The following ADGRF3 variants were observed in gnomAD, a reference collection of about 807,000 sequenced individuals.
The protein encoded by ADGRF3 is G protein-coupled receptor 113.
In ADGRF3, 85 loss-of-function variants were observed where a neutral mutation model predicts 93.2. The observed-to-expected ratio is 0.91, with a 90% confidence interval of 0.77 to 1.09. ADGRF3 has a LOEUF of 1.09. ADGRF3 is among the 50% of genes least tolerant of loss of function. The pLI is 0.00. For synonymous variants in ADGRF3, 534 were observed against 532.5 expected (o/e 1.00, Z -0.04); for missense variants, 1,125 against 1,246.2 (o/e 0.90, Z 1.46).
chr2:26,312,883 G>C, intron 9 of ADGRF3, 60 bp downstream of exon 9: 1 of 1,474,092 alleles, frequency 6.8e-7, no homozygotes, highest in Non-Finnish European at 9.2e-7. Context: ...ATGCCCACAG[G>C]TGGGGAGTCT....
At chr2:26,322,053 G>C (rs538629918) in intron 1 of ADGRF3, among the ~76,000 whole-genome samples, 1 of 150,518 alleles carries the variant, frequency 6.6e-6, no homozygotes, top group South Asian at 2.1e-4. Context: ...TGGAGGCCAA[G>C]GTGGGCAGAT....
At chr2:26,333,755 A>C (rs900611270) in intron 1 of ADGRF3, among the ~76,000 whole-genome samples, 24 of 152,256 alleles carry the variant, frequency 1.6e-4, no homozygotes, top group African/African-American at 5.1e-4. Context: ...AAAAGTTCTT[A>C]CTTCTAGCAT....
intron 6 of ADGRF3, 72 bp downstream of exon 6, chr2:26,314,342 A>G (rs1381248372): frequency 2.0e-5 from 28 of 1,411,292 alleles, no homozygotes; most frequent in African/African-American, 1.6e-4. Context: ...CATGAGCTGA[A>G]GACCCAGCTG....
chr2:26,328,695 G>A (rs879535418), intron 1 of ADGRF3, among the ~76,000 whole-genome samples: 13 of 152,026 alleles, frequency 8.6e-5, no homozygotes, highest in African/African-American at 1.2e-4. Context: ...CTCGTGATCC[G>A]CCCGCCTCAG....
At position 26,326,348 on chromosome 2, in the gene ADGRF3, C is replaced by T. The variant is rs73920259; in HGVS notation, c.115-8786G>A. 6.7e-3 allele frequency among the ~76,000 whole-genome samples: 1,018 copies of T among 152,216 alleles called. 15 individuals are homozygous for T. Among genetic ancestry groups the T allele is most frequent in the African/African-American group, 0.023 (954 of 41,510 alleles). On this transcript the variant is annotated intron_variant, in intron 1 of 13. Transcript: ENST00000651242. ...TGGTTCTCTGGTCAGAAATCCCTCT[C>T]TGTTCCCCTTACGTCAAAAAGTGAT...
Position 26,310,364 on chromosome 2 carries a change from TTGG to T in ADGRF3, c.2833-130_2833-128del, listed in dbSNP as rs1187673167. ...ATCTCAATTTTTCTGTTACCACTAT[TTGG>T]TGCATAGGATCCATTTCAGGTGCTT... On this transcript the variant is annotated intron_variant, in intron 10 of 13. Transcript: ENST00000651242. The T allele has an allele frequency of 4.8e-6, 5 of 1,032,510 alleles. No homozygotes were observed. The African/African-American group carries it at 8.0e-5, about 16-fold the overall frequency. 64.0% of individuals were successfully genotyped at this position (1,032,510 alleles called of 1,614,324 possible). A position where few individuals can be genotyped will look rare whatever the true frequency, so the allele number is the denominator to read the frequency against.
intron 1 of ADGRF3, among the ~76,000 whole-genome samples, chr2:26,336,734 A>T (rs1676071167): frequency 6.7e-6 from 1 of 149,504 alleles, no homozygotes; most frequent in South Asian, 2.1e-4. Flanking sequence ...AAAAAAAAAA[A>T]AAAAAAAAAA....
chr2:26,335,186 G>A (rs138333071), intron 1 of ADGRF3, among the ~76,000 whole-genome samples: 134 of 152,158 alleles, frequency 8.8e-4, no homozygotes, highest in African/African-American at 3.1e-3. Context: ...ACACTTATTA[G>A]TTATTCCCAA....
intron 10 of ADGRF3, 26 bp downstream of exon 10, chr2:26,310,666 A>G (rs780430762): frequency 1.3e-6 from 2 of 1,593,162 alleles, no homozygotes; most frequent in Non-Finnish European, 1.7e-6. Context: ...AAAAGCAAAA[A>G]ACACAGCCAC....
intron 1 of ADGRF3, among the ~76,000 whole-genome samples, chr2:26,321,737 C>T (rs1019439458): frequency 7.9e-5 from 12 of 151,526 alleles, no homozygotes; most frequent in African/African-American, 2.2e-4. Context: ...TTTGGGAGGC[C>T]GAGGCGGGCT....
intron 1 of ADGRF3, among the ~76,000 whole-genome samples, chr2:26,321,458 G>A (rs1675143287): frequency 6.6e-6 from 1 of 152,106 alleles, no homozygotes; most frequent in South Asian, 2.1e-4. Context: ...GTCAAGGCAT[G>A]AAGTGGTCCT....
At chr2:26,321,313 A>T (rs1003801477) in intron 1 of ADGRF3, among the ~76,000 whole-genome samples, 8 of 152,172 alleles carry the variant, frequency 5.3e-5, no homozygotes, top group Non-Finnish European at 1.2e-4. Context: ...GAGAAGTGAG[A>T]GAGAAAACAC....
At chr2:26,346,067 C>G in intron 1 of ADGRF3, 54 bp downstream of exon 1, 1 of 1,512,654 alleles carries the variant, frequency 6.6e-7, no homozygotes, top group Non-Finnish European at 8.9e-7. Flanking sequence ...GAGAGGCGGC[C>G]GAAGGGGCCG....
chr2:26,328,447 C>G (rs1675567528), intron 1 of ADGRF3, among the ~76,000 whole-genome samples: 1 of 137,426 alleles, frequency 7.3e-6, no homozygotes, highest in African/African-American at 2.6e-5. Flanking sequence ...ACTATTAGGC[C>G]TTTTTAGTTT....
In ADGRF3 at chr2:26,346,438, G is replaced by C; in HGVS notation, c.-204C>G. The C allele has an allele frequency of 2.0e-6, 2 of 982,652 alleles. No individual in the cohort carries two copies. Among genetic ancestry groups the C allele is most frequent in the Non-Finnish European group, 2.8e-6 (2 of 704,154 alleles). 60.9% of individuals were successfully genotyped at this position (982,652 alleles called of 1,614,324 possible). A position where few individuals can be genotyped will look rare whatever the true frequency, so the allele number is the denominator to read the frequency against. On this transcript the variant is annotated 5_prime_UTR_variant, in exon 1 of 14. It adds an upstream start codon to the 5' untranslated region. Transcript: ENST00000651242. ...CTCCGGAGGTCCTGCGGGTCCTGGG[G>C]ATTGGGGGTCGGGGAGCGTGGGAGC...
At chr2:26,337,753 T>C (rs1363429766) in intron 1 of ADGRF3, among the ~76,000 whole-genome samples, 2 of 152,188 alleles carry the variant, frequency 1.3e-5, no homozygotes, top group Non-Finnish European at 2.9e-5. Flanking sequence ...CCAGGTGTGG[T>C]GGCTCACACC....
chr2:26,322,849 G>C (rs1675232828), intron 1 of ADGRF3, among the ~76,000 whole-genome samples: 1 of 152,066 alleles, frequency 6.6e-6, no homozygotes, highest in South Asian at 2.1e-4. Flanking sequence ...TATCATATCT[G>C]GCTGGGTGCA....
intron 1 of ADGRF3, among the ~76,000 whole-genome samples, chr2:26,343,009 T>C (rs182130748): frequency 8.3e-4 from 127 of 152,364 alleles, no homozygotes; most frequent in African/African-American, 2.9e-3. Context: ...CAGTTAGTTA[T>C]TATCAAGTAT....
intron 1 of ADGRF3, chr2:26,319,007 G>C: frequency 6.4e-7 from 1 of 1,551,744 alleles, no homozygotes; most frequent in South Asian, 1.2e-5. Context: ...AGCAGGGGAA[G>C]AGTTGTGGCC....
Sources: gnomAD v4.1 joint callset for allele counts (sites outside exome capture counted in the v4.1 genomes callset) on GRCh38, gnomAD v4.1.1 for gene constraint, MANE v1.5 for transcripts, NCBI Gene and HGNC (gene_info 2026-07-23, HGNC 2026-07-21) for gene names.